The following PPP1R12A variants were observed in gnomAD, a reference collection of about 807,000 sequenced individuals.
PPP1R12A encodes myosin binding subunit.
In PPP1R12A, 19 loss-of-function variants were observed where a neutral mutation model predicts 139.6. The ratio of observed to expected loss-of-function variants is 0.14; its 90% CI spans 0.09 to 0.20. The LOEUF is 0.20. PPP1R12A is among the 10% of genes least tolerant of loss of function. The pLI is 1.00. For missense variants in PPP1R12A, 925 were observed against 1,211.5 expected, an observed-to-expected ratio of 0.76 and a Z score of 3.51; for synonymous variants, 427 against 420.6, an observed-to-expected ratio of 1.02 and a Z score of -0.19.
chr12:79,914,527 C>G (rs1886839858), intron 1 of PPP1R12A, among the ~76,000 whole-genome samples: 1 of 151,948 alleles, frequency 6.6e-6, no homozygotes, highest in South Asian at 2.1e-4. Flanking sequence ...TTTATTTGTA[C>G]AGACTGTACA....
rs200825139 is a variant in PPP1R12A at position 79,869,903 on chromosome 12, CTAT to C, written c.368+2902_368+2904del. Among the ~76,000 whole-genome samples, 1,391 of 145,412 alleles carry C rather than the reference CTAT, an allele frequency of 9.6e-3. 21 individuals carry two copies. Among genetic ancestry groups the C allele is most frequent in the African/African-American group, 0.031 (1,187 of 38,826 alleles). ...ACCCCCTGGGTTATAACTATTGTCT[CTAT>C]TATTATTATTATTATTATTATTATT... On this transcript the variant is annotated intron_variant, in intron 2 of 24. Transcript: ENST00000450142.
chr12:79,889,175 T>A (rs776782084), intron 1 of PPP1R12A, among the ~76,000 whole-genome samples: 7 of 152,250 alleles, frequency 4.6e-5, no homozygotes, highest in African/African-American at 1.7e-4. Context: ...TTTGTGTGTG[T>A]GTATTTGTTC....
At chr12:79,798,641 T>TA in intron 14 of PPP1R12A, 57 bp from the exon 15 acceptor site, 3 of 951,528 alleles carry the variant, frequency 3.2e-6, no homozygotes, top group Non-Finnish European at 4.7e-6. Flanking sequence ...TGAATGTAAA[T>TA]ATCTATCAAT....
intron 1 of PPP1R12A, among the ~76,000 whole-genome samples, chr12:79,922,558 G>T (rs1887519635): frequency 6.6e-6 from 1 of 152,110 alleles, no homozygotes; most frequent in South Asian, 2.1e-4. Flanking sequence ...GAAGCTGGAA[G>T]CCATCATTCT....
chr12:79,934,649 A>C, intron 1 of PPP1R12A, 46 bp downstream of exon 1: 1 of 1,471,348 alleles, frequency 6.8e-7, no homozygotes, highest in Non-Finnish European at 9.1e-7. Flanking sequence ...CAGGAGGCCG[A>C]CGAGAACCCT....
At chr12:79,806,503 G>C (rs768418857) in intron 12 of PPP1R12A, among the ~76,000 whole-genome samples, 170 bp from the exon 13 acceptor site, 33 of 152,302 alleles carry the variant, frequency 2.2e-4, no homozygotes, top group Non-Finnish European at 3.8e-4. Flanking sequence ...CTAGAGTTTA[G>C]AAGATTTCAC....
chr12:79,856,244 A>C (rs1880639795), intron 2 of PPP1R12A, among the ~76,000 whole-genome samples: 1 of 152,142 alleles, frequency 6.6e-6, no homozygotes, highest in Admixed American at 6.5e-5. Flanking sequence ...ACCCCAGCTG[A>C]CTTGCCCAGT....
intron 5 of PPP1R12A, among the ~76,000 whole-genome samples, chr12:79,824,640 C>A (rs1876544201): frequency 6.6e-6 from 1 of 152,170 alleles, no homozygotes; most frequent in African/African-American, 2.4e-5. Context: ...CTTAAACATG[C>A]TCTTTAAACA....
intron 1 of PPP1R12A, among the ~76,000 whole-genome samples, chr12:79,920,868 C>A (rs1483128895): frequency 1.3e-5 from 2 of 152,138 alleles, no homozygotes; most frequent in Non-Finnish European, 2.9e-5. Context: ...ATAAGTAAAT[C>A]TTTTTAAATA....
chr12:79,801,726 C>G (rs1439567998), intron 14 of PPP1R12A, among the ~76,000 whole-genome samples: 2 of 152,094 alleles, frequency 1.3e-5, no homozygotes, highest in Non-Finnish European at 2.9e-5. Context: ...AGACAATTAA[C>G]CCTAAGATGA....
At chr12:79,828,594 C>G in intron 4 of PPP1R12A, 130 bp from the exon 5 acceptor site, 1 of 737,630 alleles carries the variant, frequency 1.4e-6, no homozygotes, top group Non-Finnish European at 2.1e-6. Context: ...ATCCTTCCCC[C>G]TCAATGAATT....
chr12:79,883,031 G>A (rs1048376955), intron 1 of PPP1R12A, among the ~76,000 whole-genome samples: 1 of 152,126 alleles, frequency 6.6e-6, no homozygotes, highest in African/African-American at 2.4e-5. Context: ...CAGCTACTCG[G>A]GAGGTGGAGG....
At chr12:79,912,341 T>C (rs944103668) in intron 1 of PPP1R12A, among the ~76,000 whole-genome samples, 2 of 152,186 alleles carry the variant, frequency 1.3e-5, no homozygotes, top group African/African-American at 4.8e-5. Flanking sequence ...AATCTCTGTA[T>C]TCCTTAGCTC....
intron 5 of PPP1R12A, among the ~76,000 whole-genome samples, chr12:79,823,307 C>A (rs1876361992): frequency 3.3e-5 from 5 of 151,754 alleles, no homozygotes; most frequent in Admixed American, 2.0e-4. Context: ...TTTTTAGCAA[C>A]AAAAAATATA....
chr12:79,912,842 A>C lies in PPP1R12A; in HGVS notation c.237+21853T>G, dbSNP rs144827887. ...CTTCAACAATCTCCTGTGGAATTTT[A>C]GCTTTAAAATGTATGTTAATCCATA... On this transcript the variant is annotated intron_variant, in intron 1 of 24. Transcript: ENST00000450142. Among the ~76,000 whole-genome samples, 752 of 152,332 alleles carry C rather than the reference A, an allele frequency of 4.9e-3. 5 individuals carry two copies. Among genetic ancestry groups the C allele is most frequent in the African/African-American group, 0.017 (716 of 41,572 alleles).
intron 1 of PPP1R12A, among the ~76,000 whole-genome samples, chr12:79,930,229 G>C (rs1376570267): frequency 6.6e-6 from 1 of 152,018 alleles, no homozygotes; most frequent in Non-Finnish European, 1.5e-5. Context: ...CTAAAGGCAT[G>C]GAAATAAAAA....
intron 1 of PPP1R12A, among the ~76,000 whole-genome samples, chr12:79,887,507 G>A (rs749096792): frequency 2.0e-5 from 3 of 152,106 alleles, no homozygotes; most frequent in Non-Finnish European, 4.4e-5. Flanking sequence ...CGAAATAAAG[G>A]AAAACTCAAT....
intron 2 of PPP1R12A, among the ~76,000 whole-genome samples, chr12:79,866,540 A>C (rs1023912826): frequency 1.2e-4 from 18 of 152,230 alleles, no homozygotes; most frequent in African/African-American, 4.3e-4. Context: ...CAGACAACCT[A>C]CAGAATCGGA....
intron 21 of PPP1R12A, 46 bp from the exon 22 acceptor site, chr12:79,786,524 A>G (rs986773324): frequency 3.2e-6 from 4 of 1,232,180 alleles, no homozygotes; most frequent in South Asian, 2.9e-5. Context: ...CTGCTCTCCT[A>G]TTACTTTAAA....
Sources: gnomAD v4.1 joint callset for allele counts (sites outside exome capture counted in the v4.1 genomes callset) on GRCh38, gnomAD v4.1.1 for gene constraint, MANE v1.5 for transcripts, NCBI Gene and HGNC (gene_info 2026-07-23, HGNC 2026-07-21) for gene names.